Variants in TGFBR3 observed in about 807,000 individuals in gnomAD.
TGFBR3 encodes the protein transforming growth factor beta receptor type 3.
In TGFBR3, 46 loss-of-function variants were observed where a neutral mutation model predicts 87.9. That is an observed-to-expected ratio of 0.52 (90% CI 0.41 to 0.67). TGFBR3 has a LOEUF of 0.67. Ranked by LOEUF, TGFBR3 falls within the 30% of genes least tolerant of loss-of-function variation. TGFBR3 has a pLI of 0.00. For synonymous variants in TGFBR3, 381 were observed against 391.6 expected (o/e 0.97, Z 0.32); for missense variants, 866 against 1,041.9 (o/e 0.83, Z 2.32).
Position 91,682,168 on chromosome 1 carries a change from A to G in TGFBR3, c.*1571T>C, listed in dbSNP as rs1249727539. On this transcript the variant is annotated 3_prime_UTR_variant, in exon 17 of 17. Transcript: ENST00000212355. ...TTGTTTCCCATGTAGACACTGCCCT[A>G]AGGTTTTAAGCTTCATCAGGATTAC... 4.4e-6 allele frequency: 2 copies of G among 454,068 alleles called. No individual in the cohort carries two copies. Among genetic ancestry groups the G allele is most frequent in the South Asian group, 3.1e-5 (2 of 64,470 alleles). 28.1% of individuals were successfully genotyped at this position (454,068 alleles called of 1,614,324 possible).
intron 3 of TGFBR3, among the ~76,000 whole-genome samples, chr1:91,783,689 C>T (rs1674854822): frequency 6.6e-6 from 1 of 152,274 alleles, no homozygotes; most frequent in Non-Finnish European, 1.5e-5. Flanking sequence ...ACTTAGAAAA[C>T]AAGCTACAAA....
chr1:91,736,161 T>C (rs1672961185), intron 4 of TGFBR3, among the ~76,000 whole-genome samples: 1 of 152,052 alleles, frequency 6.6e-6, no homozygotes, highest in Non-Finnish European at 1.5e-5. Context: ...TTCCATGACC[T>C]ACTAATGTTG....
In TGFBR3 at chr1:91,767,096, G is replaced by A. The variant is rs974800368; in HGVS notation, c.247-8346C>T. Among the ~76,000 whole-genome samples, 4 of 133,896 alleles carry A rather than the reference G, an allele frequency of 3.0e-5. 1 individual carries two copies. The highest frequency in any genetic ancestry group is 6.6e-5 in the Non-Finnish European group (4 of 61,060). The allele number at this position is 133,896 out of a possible 152,430, so 87.8% of individuals were successfully genotyped here. On this transcript the variant is annotated intron_variant, in intron 3 of 16. Coordinates refer to ENST00000212355, the MANE Select transcript of TGFBR3 (RefSeq NM_003243.5). ...GTATCTCAGTGTATTGACTTGCCAC[G>A]CACGTTGGACAATGAACCTATTATG...
intron 3 of TGFBR3, among the ~76,000 whole-genome samples, chr1:91,780,391 T>G (rs1314760415): frequency 6.6e-6 from 1 of 152,062 alleles, no homozygotes; most frequent in Non-Finnish European, 1.5e-5. Flanking sequence ...CAAGGCAGCT[T>G]GCTATTGGGA....
chr1:91,702,405 G>A (rs1158702073), intron 14 of TGFBR3, among the ~76,000 whole-genome samples: 7 of 152,082 alleles, frequency 4.6e-5, no homozygotes, highest in Non-Finnish European at 7.4e-5. Context: ...CCAGCACTTT[G>A]GGAGGCCGAG....
intron 2 of TGFBR3, among the ~76,000 whole-genome samples, chr1:91,836,703 T>C (rs980505969): frequency 6.6e-6 from 1 of 152,336 alleles, no homozygotes; most frequent in Non-Finnish European, 1.5e-5. Flanking sequence ...TACTATAGTT[T>C]ACCAAATTGT....
chr1:91,858,501 T>A (rs1294655961), intron 2 of TGFBR3, among the ~76,000 whole-genome samples: 1 of 149,074 alleles, frequency 6.7e-6, no homozygotes, highest in Non-Finnish European at 1.5e-5. Flanking sequence ...TGTACTCCCA[T>A]CTACTCGGGA....
chr1:91,842,818 A>G (rs1008249778), intron 2 of TGFBR3, among the ~76,000 whole-genome samples: 1 of 152,216 alleles, frequency 6.6e-6, no homozygotes, highest in Non-Finnish European at 1.5e-5. Context: ...GAATAGGTAT[A>G]ATTAGCAGTA....
At chr1:91,855,077 CAA>C (rs1677887750) in intron 2 of TGFBR3, among the ~76,000 whole-genome samples, 1 of 152,186 alleles carries the variant, frequency 6.6e-6, no homozygotes, top group African/African-American at 2.4e-5. Flanking sequence ...CCCACAGACA[CAA>C]AGAGTTCAGA....
At chr1:91,686,131 A>G (rs1171991073) in intron 16 of TGFBR3, among the ~76,000 whole-genome samples, 2 of 152,186 alleles carry the variant, frequency 1.3e-5, no homozygotes, top group African/African-American at 2.4e-5. Context: ...GTGCTCCTCC[A>G]GGATCTGCCC....
chr1:91,685,614 G>A (rs534006069), intron 16 of TGFBR3, among the ~76,000 whole-genome samples: 2 of 152,122 alleles, frequency 1.3e-5, no homozygotes, highest in South Asian at 4.2e-4. Context: ...GAGCCACCAC[G>A]CCCGGCTGAA....
At chr1:91,831,629 T>A (rs1212044474) in intron 2 of TGFBR3, among the ~76,000 whole-genome samples, 1 of 152,220 alleles carries the variant, frequency 6.6e-6, no homozygotes, top group African/African-American at 2.4e-5. Flanking sequence ...TTGTGTTATT[T>A]CCACCACTGT....
chr1:91,802,827 C>T (rs1675686274), intron 2 of TGFBR3, among the ~76,000 whole-genome samples: 1 of 152,082 alleles, frequency 6.6e-6, no homozygotes, highest in Non-Finnish European at 1.5e-5. Flanking sequence ...CAGCCTCTTC[C>T]TACGTACACC....
In TGFBR3 at chr1:91,896,401, C is replaced by G. The variant is rs558300853; in HGVS notation, c.-114+3236G>C. On this transcript the variant is annotated intron_variant, in intron 2 of 17. Transcript: ENST00000370399. ...TCTAGGGCTCAATGAGAGACTGATG[C>G]AAAGGTTCTGAGTGTTATGCAGCTC... is the stretch of plus-strand genomic sequence containing the variant. 3.3e-5 allele frequency among the ~76,000 whole-genome samples: 5 copies of G among 152,266 alleles called. No homozygotes were observed. In the East Asian group the frequency reaches 7.7e-4, roughly 24 times the overall value.
chr1:91,808,352 C>T (rs781754297), intron 2 of TGFBR3, among the ~76,000 whole-genome samples: 2 of 152,174 alleles, frequency 1.3e-5, no homozygotes, highest in African/African-American at 4.8e-5. Context: ...GTACAACTCC[C>T]AAAGGCGAGA....
At position 91,719,440 on chromosome 1, in the gene TGFBR3, C is replaced by T. The variant is rs375360299; in HGVS notation, c.1438G>A (p.Val480Ile). The T allele has an allele frequency of 1.1e-5, 18 of 1,614,004 alleles. No homozygotes were observed. Among genetic ancestry groups the T allele is most frequent in the East Asian group, 2.2e-5 (1 of 44,878 alleles). The change falls in exon 10 of 17, where the codon GTC becomes ATC. Residue 480 changes from valine to isoleucine, a missense_variant. Val to Ile is a conservative substitution (Grantham distance 29, BLOSUM62 3). Coordinates refer to ENST00000212355, the MANE Select transcript of TGFBR3 (RefSeq NM_003243.5). ...TTGCAGGTAGGATCCAACAGGGTGA[C>T]GTCCATCCCCGAGTAGCCACTGGCC... ...FQASGYSGMDVTLLDPTCKAK... is the reference protein window; with the variant it reads ...FQASGYSGMDITLLDPTCKAK...
chr1:91,691,955 G>A (rs186184559), intron 16 of TGFBR3, among the ~76,000 whole-genome samples: 199 of 152,082 alleles, frequency 1.3e-3, no homozygotes, highest in Non-Finnish European at 2.3e-3. Flanking sequence ...CCAAGATTGC[G>A]CCATTGCACT....
intron 3 of TGFBR3, among the ~76,000 whole-genome samples, chr1:91,777,569 C>CCCCAG (rs1674608711): frequency 6.6e-6 from 1 of 151,598 alleles, no homozygotes; most frequent in African/African-American, 2.4e-5. Flanking sequence ...CAATGCCTTC[C>CCCCAG]CCCAGCCCCA....
At position 91,704,574 on chromosome 1, in the gene TGFBR3, A is replaced by T. The variant is rs77221381; in HGVS notation, c.2287+4089T>A. ...GTTATCACTATACAGAGGTGCTATG[A>T]GGATAAAATATAATAATCCACATAA... On this transcript the variant is annotated intron_variant, in intron 14 of 16. Coordinates refer to ENST00000212355, the MANE Select transcript of TGFBR3 (RefSeq NM_003243.5). Among the ~76,000 whole-genome samples, 1,122 of 152,324 alleles carry T rather than the reference A, an allele frequency of 7.4e-3. 14 individuals are homozygous for T. Among genetic ancestry groups the T allele is most frequent in the African/African-American group, 0.025 (1,057 of 41,570 alleles).
Sources: allele counts gnomAD v4.1 joint callset (sites outside exome capture counted in the v4.1 genomes callset), GRCh38; gene constraint gnomAD v4.1.1; transcripts MANE v1.5; gene names NCBI Gene and HGNC (gene_info 2026-07-23, HGNC 2026-07-21).